BCO1: variants seen among roughly 807,000 people sequenced by gnomAD.
The protein encoded by BCO1 is beta-carotene oxygenase 1, also known as beta,beta-carotene 15,15'-dioxygenase.
A neutral mutation model predicts 56.3 loss-of-function variants in BCO1; 54 were observed. That is an observed-to-expected ratio of 0.96 (90% CI 0.77 to 1.20). The LOEUF (loss-of-function observed/expected upper bound fraction) is 1.20. Among genes scored for constraint, BCO1 ranks in the 50% most tolerant of loss-of-function variants. BCO1 has a pLI of 0.00. For missense variants in BCO1, 801 were observed against 690.9 expected (o/e 1.16, Z -1.79); for synonymous variants, 318 against 266.1 (o/e 1.20, Z -1.90).
At chr16:81,282,837 G>A (rs531345952) in intron 8 of BCO1, among the ~76,000 whole-genome samples, 4 of 152,258 alleles carry the variant, frequency 2.6e-5, no homozygotes, top group East Asian at 1.9e-4. Flanking sequence ...GACATAGGCC[G>A]GGTCCCTTCT....
intron 1 of BCO1, among the ~76,000 whole-genome samples, chr16:81,243,451 T>C (rs1362151068): frequency 1.4e-5 from 2 of 146,122 alleles, no homozygotes; most frequent in African/African-American, 5.2e-5. Flanking sequence ...TCTCCTGGTC[T>C]TGATCATTCA....
At chr16:81,276,021 G>A (rs116320548) in intron 7 of BCO1, among the ~76,000 whole-genome samples, 2,107 of 152,356 alleles carry the variant, frequency 0.014, 46 homozygotes, top group African/African-American at 0.047. Flanking sequence ...GTGCACCCAC[G>A]CCTAAGGGGC....
At chr16:81,257,975 G>A (rs1011056830) in intron 2 of BCO1, among the ~76,000 whole-genome samples, 2 of 152,048 alleles carry the variant, frequency 1.3e-5, no homozygotes, top group Non-Finnish European at 2.9e-5. Flanking sequence ...TGGGCCCAGT[G>A]TAATCTCAAG....
In BCO1 at chr16:81,290,444, C is replaced by T; in HGVS notation, c.1511C>T (p.Ser504Phe). 6.2e-7 allele frequency: 1 copy of T among 1,614,206 alleles called. No homozygotes were observed. Among genetic ancestry groups the T allele is most frequent in the Non-Finnish European group, 8.5e-7 (1 of 1,180,050 alleles). ...AKSFTELARA[S>F]VDVDMHMDLH... ...AGCTTTACGGAATTGGCCCGTGCCT[C>T]TGTTGATGTCGATATGCACATGGAT... The change falls in exon 11 of 11, where the codon TCT (serine) becomes TTT (phenylalanine). Residue 504 changes from serine (S) to phenylalanine (F), a missense_variant. Physicochemically the swap from Ser to Phe is radical, Grantham distance 155. Coordinates refer to ENST00000258168, the MANE Select transcript of BCO1 (RefSeq NM_017429.3).
chr16:81,244,591 T>C (rs999896912), intron 1 of BCO1, among the ~76,000 whole-genome samples: 12 of 151,904 alleles, frequency 7.9e-5, no homozygotes, highest in African/African-American at 2.7e-4. Context: ...GAATACCTAC[T>C]CTCCCTCAAG....
intron 7 of BCO1, among the ~76,000 whole-genome samples, chr16:81,280,310 TACACACACACACAGACACACACAC>T (rs1907800825): frequency 7.5e-5 from 2 of 26,668 alleles, no homozygotes; most frequent in Non-Finnish European, 1.9e-4. Context: ...AAAAAAAAAT[TACACACACACACAGACACACACAC>T]ACACACACAC....
chr16:81,240,371 C>G (rs1905056012), intron 1 of BCO1, among the ~76,000 whole-genome samples: 1 of 151,514 alleles, frequency 6.6e-6, no homozygotes, highest in Admixed American at 6.6e-5. Context: ...TATTTTTTTT[C>G]TCAATTTGAC....
chr16:81,253,756 G>C (rs1256849040), intron 2 of BCO1, among the ~76,000 whole-genome samples: 1 of 152,104 alleles, frequency 6.6e-6, no homozygotes, highest in Non-Finnish European at 1.5e-5. Context: ...TTGAGTCCAG[G>C]AGTTCAAGAC....
Position 81,264,768 on chromosome 16 carries a change from G to A in BCO1, c.600G>A (p.Lys200=). 2.5e-6 allele frequency: 4 copies of A among 1,614,144 alleles called. No homozygotes were observed. Among genetic ancestry groups the A allele is most frequent in the Non-Finnish European group, 3.4e-6 (4 of 1,180,034 alleles). ...GGAAGACAAAGTATGTGATTTTTAA[G>A]ATCCCTGCCACAGTACCAGGTAGGC... ...EKGKTKYVIF[K]IPATVPEGKK... The change falls in exon 5 of 11, where the codon AAG becomes AAA. Residue 200 remains lysine (K), a synonymous_variant. Coordinates refer to ENST00000258168, the MANE Select transcript of BCO1 (RefSeq NM_017429.3).
intron 7 of BCO1, among the ~76,000 whole-genome samples, chr16:81,271,788 C>A (rs915287322): frequency 6.6e-6 from 1 of 151,948 alleles, no homozygotes; most frequent in Non-Finnish European, 1.5e-5. Context: ...CTCGCTCTGC[C>A]GCCCAGGCTG....
intron 3 of BCO1, 113 bp from the exon 4 acceptor site, chr16:81,262,023 C>A (rs561003283): frequency 7.5e-7 from 1 of 1,337,568 alleles, no homozygotes; most frequent in South Asian, 1.2e-5. Context: ...ATTACAGGCA[C>A]CCGGCCGAAG....
chr16:81,268,333 G>T (rs1350586080), intron 6 of BCO1, among the ~76,000 whole-genome samples: 1 of 152,204 alleles, frequency 6.6e-6, no homozygotes, highest in South Asian at 2.1e-4. Context: ...CCACGGTGAT[G>T]AGTTATTGGA....
intron 7 of BCO1, among the ~76,000 whole-genome samples, chr16:81,275,066 G>A (rs545881774): frequency 2.0e-5 from 3 of 152,368 alleles, no homozygotes; most frequent in African/African-American, 4.8e-5. Flanking sequence ...CGCCTGCATA[G>A]TGAAATCAGA....
At chr16:81,267,796 A>T in intron 5 of BCO1, 112 bp from the exon 6 acceptor site, 2 of 886,306 alleles carry the variant, frequency 2.3e-6, no homozygotes, top group Non-Finnish European at 3.6e-6. Flanking sequence ...GTTGCTGTTT[A>T]ATGTAAAGGT....
At chr16:81,289,076 A>G (rs893528803) in intron 10 of BCO1, among the ~76,000 whole-genome samples, 1 of 152,218 alleles carries the variant, frequency 6.6e-6, no homozygotes, top group Non-Finnish European at 1.5e-5. Context: ...TGGGATGCTC[A>G]GAGAGTGACC....
At chr16:81,268,355 A>G (rs998131262) in intron 6 of BCO1, among the ~76,000 whole-genome samples, 1 of 152,180 alleles carries the variant, frequency 6.6e-6, no homozygotes, top group Non-Finnish European at 1.5e-5. Flanking sequence ...GAGGCTGTCC[A>G]GGCAAGGGGG....
At chr16:81,268,171 G>T in intron 6 of BCO1, 40 bp downstream of exon 6, 1 of 1,560,042 alleles carries the variant, frequency 6.4e-7, no homozygotes, top group South Asian at 1.1e-5. Flanking sequence ...GGTGCTGGCT[G>T]ACCATGGAGG....
Position 81,285,527 on chromosome 16 carries a change from C to G in BCO1, c.1208-13C>G. On this transcript the variant is annotated splice_polypyrimidine_tract_variant and intron_variant, in intron 8 of 10. Transcript: ENST00000258168. ...ATGATAGGGGCTTCATCCACCTCCT[C>G]ATTTCCTTGTAGGCTTAGAGCTTCC... 6.3e-7 allele frequency: 1 copy of G among 1,594,112 alleles called. No homozygotes were observed.
At chr16:81,248,731 G>C (rs1905584999) in intron 2 of BCO1, among the ~76,000 whole-genome samples, 1 of 152,050 alleles carries the variant, frequency 6.6e-6, no homozygotes, top group Admixed American at 6.6e-5. Context: ...ACCAGTGGTG[G>C]CCGGGCGCGG....
Sources: allele counts gnomAD v4.1 joint callset (sites outside exome capture counted in the v4.1 genomes callset), GRCh38; gene constraint gnomAD v4.1.1; transcripts MANE v1.5; gene names NCBI Gene and HGNC (gene_info 2026-07-23, HGNC 2026-07-21).